CMSS1: variants seen among roughly 807,000 people sequenced by gnomAD.
CMSS1 encodes the protein cms1 ribosomal small subunit homolog, also known as protein CMSS1.
Under a neutral mutation model 43.5 loss-of-function variants are expected in CMSS1, and 33 were observed. The ratio of observed to expected loss-of-function variants is 0.76; its 90% CI spans 0.57 to 1.01. CMSS1 has a LOEUF of 1.01. CMSS1 is among the 50% of genes least tolerant of loss of function. The probability of loss-of-function intolerance (pLI) is 0.00; values close to 1 mark genes in which losing one functional copy is unlikely to be tolerated. For missense variants in CMSS1, 313 were observed against 326.4 expected (o/e 0.96, Z 0.32); for synonymous variants, 115 against 117.2 (o/e 0.98, Z 0.12).
intron 1 of CMSS1, among the ~76,000 whole-genome samples, chr3:99,853,041 A>G (rs1381326861): frequency 6.6e-6 from 1 of 152,208 alleles, no homozygotes; most frequent in East Asian, 1.9e-4. Context: ...AGGTCTTGGC[A>G]AAAGGCTTGC....
intron 2 of CMSS1, among the ~76,000 whole-genome samples, chr3:100,150,347 T>G (rs1387650581): frequency 1.3e-5 from 2 of 152,248 alleles, no homozygotes; most frequent in Non-Finnish European, 2.9e-5. Context: ...GATCAATTTT[T>G]TAAAAATGTT....
intron 1 of CMSS1, among the ~76,000 whole-genome samples, chr3:100,067,166 CGTT>C (rs2065680545): frequency 6.6e-6 from 1 of 150,866 alleles, no homozygotes; most frequent in African/African-American, 2.4e-5. Context: ...TTTTTGATCT[CGTT>C]TGTTTGTTTG....
At chr3:100,155,761 T>C (rs1192681884) in intron 2 of CMSS1, among the ~76,000 whole-genome samples, 8 of 152,240 alleles carry the variant, frequency 5.3e-5, no homozygotes, top group Admixed American at 3.9e-4. Context: ...ATTGATACTT[T>C]GGCTGGGTAT....
chr3:99,886,321 T>A (rs1705895677), intron 1 of CMSS1, among the ~76,000 whole-genome samples: 1 of 151,184 alleles, frequency 6.6e-6, no homozygotes, highest in South Asian at 2.1e-4. Flanking sequence ...AAAGCAGGGA[T>A]GTCCAATCTT....
At chr3:100,026,427 C>T (rs2064923669) in intron 1 of CMSS1, among the ~76,000 whole-genome samples, 1 of 151,926 alleles carries the variant, frequency 6.6e-6, no homozygotes, top group Admixed American at 6.6e-5. Flanking sequence ...GGGCCAGTGT[C>T]TTGTCTCGAT....
chr3:99,882,054 GTTTTC>G (rs903840195), intron 1 of CMSS1, among the ~76,000 whole-genome samples: 3 of 152,076 alleles, frequency 2.0e-5, no homozygotes, highest in Admixed American at 2.0e-4. Flanking sequence ...GGATTTATAT[GTTTTC>G]TTTTATCTTT....
chr3:100,170,711 A>G (rs998522344), intron 6 of CMSS1, among the ~76,000 whole-genome samples: 2 of 152,206 alleles, frequency 1.3e-5, no homozygotes, highest in Non-Finnish European at 2.9e-5. Context: ...ACCTGATGCC[A>G]AAGTAGAGGT....
intron 1 of CMSS1, among the ~76,000 whole-genome samples, chr3:99,851,856 T>C (rs1329915100): frequency 1.3e-5 from 2 of 152,346 alleles, no homozygotes; most frequent in Non-Finnish European, 2.9e-5. Context: ...TCATAGTGGA[T>C]AGCAATTAAA....
At chr3:100,118,914 A>G (rs2066597675) in intron 1 of CMSS1, among the ~76,000 whole-genome samples, 1 of 152,220 alleles carries the variant, frequency 6.6e-6, no homozygotes, top group African/African-American at 2.4e-5. Context: ...CAGGTGACCA[A>G]GCAACCAAAT....
intron 1 of CMSS1, among the ~76,000 whole-genome samples, chr3:100,090,804 A>G (rs2066090415): frequency 6.6e-6 from 1 of 152,196 alleles, no homozygotes; most frequent in Non-Finnish European, 1.5e-5. Context: ...CAGTGCTGAC[A>G]GGCTGACTGG....
intron 1 of CMSS1, among the ~76,000 whole-genome samples, chr3:100,081,069 A>G (rs1389889208): frequency 2.0e-5 from 3 of 152,304 alleles, no homozygotes; most frequent in East Asian, 1.9e-4. Context: ...TCAACAGCCA[A>G]TGTTATATCC....
intron 1 of CMSS1, among the ~76,000 whole-genome samples, chr3:99,826,738 T>A (rs1942543126): frequency 6.6e-6 from 1 of 152,242 alleles, no homozygotes; most frequent in African/African-American, 2.4e-5. Context: ...ACCAGTCACA[T>A]ATCTGTTAAA....
intron 1 of CMSS1, among the ~76,000 whole-genome samples, chr3:100,098,261 T>C (rs1322508938): frequency 6.6e-6 from 1 of 152,180 alleles, no homozygotes; most frequent in African/African-American, 2.4e-5. Context: ...TAAGCTTCAG[T>C]AGAAGGAGGT....
intron 1 of CMSS1, among the ~76,000 whole-genome samples, chr3:99,899,097 A>G (rs1181145342): frequency 3.3e-5 from 5 of 152,214 alleles, no homozygotes; most frequent in African/African-American, 4.8e-5. Flanking sequence ...CTTTGATTAT[A>G]TTAGATGGAG....
At chr3:99,876,092 C>A in intron 1 of CMSS1, 2 of 986,390 alleles carry the variant, frequency 2.0e-6, no homozygotes, top group Non-Finnish European at 2.4e-6. Flanking sequence ...TGCGCCGGGG[C>A]CGGGCGGGGG....
At chr3:99,868,960 G>T (rs796360670) in intron 1 of CMSS1, among the ~76,000 whole-genome samples, 103 of 152,198 alleles carry the variant, frequency 6.8e-4, no homozygotes, top group African/African-American at 2.4e-3. Flanking sequence ...CTCCTTAAAG[G>T]AATAATACCT....
intron 1 of CMSS1, among the ~76,000 whole-genome samples, chr3:99,902,367 A>G (rs1034692733): frequency 1.3e-5 from 2 of 152,184 alleles, no homozygotes; most frequent in African/African-American, 4.8e-5. Context: ...CAGATATTCA[A>G]CTCATTCTCA....
intron 1 of CMSS1, among the ~76,000 whole-genome samples, chr3:100,033,394 C>T (rs1197669324): frequency 1.3e-5 from 2 of 152,202 alleles, no homozygotes; most frequent in Admixed American, 1.3e-4. Context: ...AGGCTTCCAT[C>T]AAACCCTCAT....
intron 1 of CMSS1, among the ~76,000 whole-genome samples, chr3:99,936,187 G>A (rs1168597329): frequency 6.6e-6 from 1 of 151,724 alleles, no homozygotes; most frequent in Non-Finnish European, 1.5e-5. Context: ...ATCATTTTTG[G>A]TCTTGGTCAT....
Sources: gnomAD v4.1 joint callset for allele counts (sites outside exome capture counted in the v4.1 genomes callset) on GRCh38, gnomAD v4.1.1 for gene constraint, MANE v1.5 for transcripts, NCBI Gene and HGNC (gene_info 2026-07-23, HGNC 2026-07-21) for gene names.